XPR1: variants seen among roughly 807,000 people sequenced by gnomAD.
The protein encoded by XPR1 is xenotropic and polytropic retrovirus receptor 1.
XPR1 carries 28 observed loss-of-function variants against 87.5 expected under a neutral mutation model. That is an observed-to-expected ratio of 0.32 (90% CI 0.24 to 0.44). The LOEUF is 0.44. Among genes scored for constraint, XPR1 ranks in the 20% least tolerant of loss-of-function variants. The probability of loss-of-function intolerance (pLI) is 1.00; values close to 1 mark genes in which losing one functional copy is unlikely to be tolerated. For synonymous variants in XPR1, 300 were observed against 306.1 expected (o/e 0.98, Z 0.21); for missense variants, 559 against 862.3 (o/e 0.65, Z 4.41).
rs536556737 is a variant in XPR1, at chr1:180,644,010, T to G, written c.69+11740T>G. Among the ~76,000 whole-genome samples, 8 of 152,300 alleles carry G rather than the reference T, an allele frequency of 5.3e-5. No homozygotes were observed. The East Asian group carries it at 1.4e-3, about 26-fold the overall frequency. ...TTCCATAACTCTGGATTGATGGGGC[T>G]TGGGCAATAGTATATAACTAAGTGA... On this transcript the variant is annotated intron_variant, in intron 1 of 14. Coordinates refer to ENST00000367590, the MANE Select transcript of XPR1 (RefSeq NM_004736.4).
intron 2 of XPR1, among the ~76,000 whole-genome samples, chr1:180,712,516 C>G (rs1657834885): frequency 6.6e-6 from 1 of 152,084 alleles, no homozygotes; most frequent in Non-Finnish European, 1.5e-5. Context: ...TTTTATTTGT[C>G]AAAACGTCAT....
intron 2 of XPR1, among the ~76,000 whole-genome samples, chr1:180,757,498 T>C (rs2102045569): frequency 6.8e-6 from 1 of 146,612 alleles, no homozygotes; most frequent in South Asian, 2.2e-4. Flanking sequence ...GATGGAAAGT[T>C]ACTAGGCCTT....
intron 1 of XPR1, among the ~76,000 whole-genome samples, chr1:180,658,008 T>C (rs1465608082): frequency 1.3e-5 from 2 of 152,188 alleles, no homozygotes; most frequent in Non-Finnish European, 2.9e-5. Context: ...ATCTATCACT[T>C]CTTTGGTTAA....
chr1:180,695,724 G>A (rs530466530), intron 2 of XPR1, among the ~76,000 whole-genome samples: 16 of 152,132 alleles, frequency 1.1e-4, no homozygotes, highest in African/African-American at 3.6e-4. Context: ...AGCCTTTGTT[G>A]ATAGTCAGTT....
intron 2 of XPR1, among the ~76,000 whole-genome samples, chr1:180,683,454 G>C (rs2101946115): frequency 6.6e-6 from 1 of 152,302 alleles, no homozygotes; most frequent in South Asian, 2.1e-4. Context: ...ATAGCAGCGT[G>C]ATTTATAATC....
chr1:180,767,503 T>C (rs1473587199), intron 2 of XPR1, among the ~76,000 whole-genome samples: 1 of 152,182 alleles, frequency 6.6e-6, no homozygotes, highest in Non-Finnish European at 1.5e-5. Context: ...AGGATTCCTA[T>C]AGCATGGGTA....
At chr1:180,817,815 G>A (rs1012762651) in intron 7 of XPR1, among the ~76,000 whole-genome samples, 1 of 152,128 alleles carries the variant, frequency 6.6e-6, no homozygotes, top group Non-Finnish European at 1.5e-5. Flanking sequence ...ATATGAGCCG[G>A]AACTTCTAGG....
chr1:180,683,929 G>A (rs1454027788), intron 2 of XPR1, among the ~76,000 whole-genome samples: 2 of 151,960 alleles, frequency 1.3e-5, no homozygotes, highest in African/African-American at 2.4e-5. Context: ...TCACTCTGAT[G>A]GTAGTTTCTT....
chr1:180,877,171 C>T (rs575544749), intron 13 of XPR1, among the ~76,000 whole-genome samples: 34 of 152,168 alleles, frequency 2.2e-4, no homozygotes, highest in African/African-American at 6.3e-4. Context: ...GTGAGAAAAT[C>T]GACAAGCCAG....
intron 2 of XPR1, among the ~76,000 whole-genome samples, chr1:180,762,272 A>G (rs1031046502): frequency 2.0e-5 from 3 of 152,116 alleles, no homozygotes; most frequent in Non-Finnish European, 4.4e-5. Flanking sequence ...AAAGTATAAT[A>G]ATAATAAATA....
At chr1:180,758,898 G>A (rs897662823) in intron 2 of XPR1, 3 of 152,282 alleles carry the variant, frequency 2.0e-5, no homozygotes, top group Non-Finnish European at 4.4e-5. Flanking sequence ...TAAAAGAACA[G>A]AAATTATAAC....
At chr1:180,855,007 C>G (rs903938601) in intron 11 of XPR1, among the ~76,000 whole-genome samples, 3 of 152,174 alleles carry the variant, frequency 2.0e-5, no homozygotes, top group Non-Finnish European at 4.4e-5. Flanking sequence ...GAAACATAGC[C>G]TCAATTCAGT....
At chr1:180,639,714 T>C (rs1654906022) in intron 1 of XPR1, among the ~76,000 whole-genome samples, 1 of 152,196 alleles carries the variant, frequency 6.6e-6, no homozygotes, top group African/African-American at 2.4e-5. Context: ...CTCAAACTTT[T>C]TGGTTTCAGG....
intron 1 of XPR1, among the ~76,000 whole-genome samples, chr1:180,647,083 A>C (rs1165084274): frequency 6.6e-6 from 1 of 152,242 alleles, no homozygotes; most frequent in Non-Finnish European, 1.5e-5. Context: ...ATCATTAGGC[A>C]TTAGATTCTC....
At chr1:180,674,500 C>G (rs1424732503) in intron 1 of XPR1, among the ~76,000 whole-genome samples, 1 of 152,034 alleles carries the variant, frequency 6.6e-6, no homozygotes, top group Non-Finnish European at 1.5e-5. Context: ...CTCAGGTGAC[C>G]CACCCTCCTC....
intron 2 of XPR1, among the ~76,000 whole-genome samples, chr1:180,736,087 A>G (rs1170285441): frequency 6.6e-6 from 1 of 152,210 alleles, no homozygotes; most frequent in Non-Finnish European, 1.5e-5. Context: ...TGAAGAAGAA[A>G]TAGAGTGCTA....
chr1:180,773,063 C>T (rs1044766060), intron 2 of XPR1, among the ~76,000 whole-genome samples: 2 of 152,052 alleles, frequency 1.3e-5, no homozygotes, highest in African/African-American at 4.8e-5. Context: ...CCTGATATTC[C>T]TTGTATCAAG....
intron 2 of XPR1, among the ~76,000 whole-genome samples, chr1:180,692,828 T>A (rs988188971): frequency 6.6e-6 from 1 of 152,186 alleles, no homozygotes; most frequent in African/African-American, 2.4e-5. Flanking sequence ...ATAACAAATA[T>A]AATTTTTAGT....
intron 2 of XPR1, among the ~76,000 whole-genome samples, chr1:180,713,516 C>G (rs1325409975): frequency 2.0e-5 from 3 of 152,262 alleles, no homozygotes; most frequent in South Asian, 4.1e-4. Context: ...GGCTGAATCT[C>G]TAATGCAATG....
Sources: allele counts gnomAD v4.1 joint callset (sites outside exome capture counted in the v4.1 genomes callset), GRCh38; gene constraint gnomAD v4.1.1; transcripts MANE v1.5; gene names NCBI Gene and HGNC (gene_info 2026-07-23, HGNC 2026-07-21).